INPP4B: variants seen among roughly 807,000 people sequenced by gnomAD.
The protein encoded by INPP4B is inositol polyphosphate-4-phosphatase type II B.
INPP4B carries 55 observed loss-of-function variants against 122.5 expected under a neutral mutation model. The observed-to-expected ratio is 0.45, with a 90% CI of 0.36 to 0.56. The LOEUF is 0.56. Among genes scored for constraint, INPP4B ranks in the 20% least tolerant of loss-of-function variants. INPP4B has a pLI of 0.00. For missense variants in INPP4B, 1,000 were observed against 1,097.7 expected (o/e 0.91, Z 1.26); for synonymous variants, 403 against 388.7 (o/e 1.04, Z -0.43).
intron 14 of INPP4B, among the ~76,000 whole-genome samples, chr4:142,194,207 C>A (rs1041349853): frequency 1.3e-5 from 2 of 152,000 alleles, no homozygotes; most frequent in Non-Finnish European, 2.9e-5. Context: ...TCAGAAAATG[C>A]AAGATCACAA....
At chr4:142,242,211 G>T (rs531029498) in intron 11 of INPP4B, among the ~76,000 whole-genome samples, 1 of 151,990 alleles carries the variant, frequency 6.6e-6, no homozygotes, top group Non-Finnish European at 1.5e-5. Context: ...TTTAAAGATC[G>T]GATGAGCACT....
At chr4:142,466,586 GA>G (rs1257783178) in intron 2 of INPP4B, among the ~76,000 whole-genome samples, 2 of 152,210 alleles carry the variant, frequency 1.3e-5, no homozygotes, top group African/African-American at 2.4e-5. Context: ...CAGAGGGGAA[GA>G]AAAAGCATTT....
intron 2 of INPP4B, among the ~76,000 whole-genome samples, chr4:142,523,957 T>G (rs1826465974): frequency 6.7e-6 from 1 of 148,450 alleles, no homozygotes; most frequent in Non-Finnish European, 1.5e-5. Flanking sequence ...GATTTCCAAT[T>G]TCATCCATGT....
At chr4:142,129,943 T>C (rs989315439) in intron 18 of INPP4B, among the ~76,000 whole-genome samples, 6 of 152,176 alleles carry the variant, frequency 3.9e-5, no homozygotes, top group Non-Finnish European at 8.8e-5. Context: ...TTTTAACTCA[T>C]GCCCCCTCCT....
chr4:142,514,707 C>T (rs1183607761), intron 2 of INPP4B: 2 of 151,502 alleles, frequency 1.3e-5, no homozygotes, highest in Non-Finnish European at 1.5e-5. Flanking sequence ...AGCTTAGAGC[C>T]TGACAAAAAC....
rs1580327431 is a variant in INPP4B at position 142,542,216 on chromosome 4, G to A, written c.-190-79490C>T. Among the ~76,000 whole-genome samples the A allele has an allele frequency of 3.9e-5, 6 of 152,156 alleles. No individual in the cohort carries two copies. The South Asian group carries it at 1.2e-3, about 32-fold the overall frequency. ...TCCTTACATCTATTATTGGATAATA[G>A]TGGTTGATACTTACAAATATTATTC... On this transcript the variant is annotated intron_variant, in intron 2 of 25. Coordinates refer to ENST00000262992, the MANE Select transcript of INPP4B (RefSeq NM_001101669.3).
chr4:142,355,782 A>C (rs1157261066), intron 7 of INPP4B, among the ~76,000 whole-genome samples: 2 of 151,990 alleles, frequency 1.3e-5, no homozygotes, highest in Non-Finnish European at 2.9e-5. Context: ...TTGTGAAGCA[A>C]TTCAGCTTAT....
intron 2 of INPP4B, among the ~76,000 whole-genome samples, chr4:142,677,095 T>C (rs1240424994): frequency 6.6e-6 from 1 of 152,234 alleles, no homozygotes; most frequent in Non-Finnish European, 1.5e-5. Flanking sequence ...TCTATCCATC[T>C]GACAAACAGC....
At chr4:142,565,421 C>A (rs1279862297) in intron 2 of INPP4B, among the ~76,000 whole-genome samples, 3 of 152,048 alleles carry the variant, frequency 2.0e-5, no homozygotes, top group Admixed American at 2.0e-4. Flanking sequence ...GGGATTATAA[C>A]CTGTGGAATA....
intron 7 of INPP4B, among the ~76,000 whole-genome samples, chr4:142,358,008 T>C (rs1353172871): frequency 1.3e-5 from 2 of 152,086 alleles, no homozygotes; most frequent in African/African-American, 4.8e-5. Flanking sequence ...AATGTGAATA[T>C]GGTAAAATGT....
At chr4:142,474,379 G>A (rs1220546198) in intron 2 of INPP4B, 1 of 152,142 alleles carries the variant, frequency 6.6e-6, no homozygotes, top group Non-Finnish European at 1.5e-5. Flanking sequence ...GCCTGTTAGA[G>A]CTTCCAGCCC....
intron 7 of INPP4B, among the ~76,000 whole-genome samples, chr4:142,324,725 T>C (rs1330998708): frequency 6.6e-6 from 1 of 152,164 alleles, no homozygotes; most frequent in Non-Finnish European, 1.5e-5. Flanking sequence ...TTGCCTGTTG[T>C]CAGTTTCTCT....
In INPP4B at chr4:142,759,592, C is replaced by T. The variant is rs78575771; in HGVS notation, c.-253-33691G>A. ...TGTGTGTGTATGTGTTGCCTAATAA[C>T]AATTTTTGTATGTGTCTCATTTCTG... On this transcript the variant is annotated intron_variant, in intron 1 of 25. Coordinates refer to ENST00000262992, the MANE Select transcript of INPP4B (RefSeq NM_001101669.3). 2.3e-3 allele frequency among the ~76,000 whole-genome samples: 348 copies of T among 152,078 alleles called. 1 individual carries two copies. The highest frequency in any genetic ancestry group is 8.0e-3 in the African/African-American group (330 of 41,508).
chr4:142,643,864 GAA>G (rs571778158), intron 2 of INPP4B, among the ~76,000 whole-genome samples: 5 of 152,124 alleles, frequency 3.3e-5, no homozygotes, highest in African/African-American at 4.8e-5. Context: ...GCATGATCAA[GAA>G]AACTGAAACA....
chr4:142,312,265 C>T (rs949946514), intron 8 of INPP4B, among the ~76,000 whole-genome samples: 3 of 152,134 alleles, frequency 2.0e-5, no homozygotes, highest in African/African-American at 7.2e-5. Context: ...TATAAGTAGC[C>T]ACAATATATC....
At chr4:142,835,957 T>C (rs1180180227) in intron 1 of INPP4B, among the ~76,000 whole-genome samples, 1 of 152,040 alleles carries the variant, frequency 6.6e-6, no homozygotes, top group Non-Finnish European at 1.5e-5. Flanking sequence ...CTATGGGGCA[T>C]AGGGTATGGT....
chr4:142,739,318 T>C (rs1256052690), intron 1 of INPP4B, among the ~76,000 whole-genome samples: 2 of 152,042 alleles, frequency 1.3e-5, no homozygotes, highest in Non-Finnish European at 1.5e-5. Context: ...TATTCCATTA[T>C]ATGAGCTAAG....
chr4:142,448,329 C>CA (rs71586289), intron 3 of INPP4B, among the ~76,000 whole-genome samples: 17,532 of 60,312 alleles, frequency 0.29, 1,179 homozygotes, highest in Non-Finnish European at 0.34. Flanking sequence ...TATCCATCTC[C>CA]AAAAAAAAAA....
chr4:142,231,053 C>T (rs1854116640), intron 12 of INPP4B, among the ~76,000 whole-genome samples: 2 of 152,136 alleles, frequency 1.3e-5, no homozygotes, highest in Admixed American at 6.5e-5. Context: ...GAAGGGAGCC[C>T]CCAAAGGATT....
Sources: gnomAD v4.1 joint callset for allele counts (sites outside exome capture counted in the v4.1 genomes callset) on GRCh38, gnomAD v4.1.1 for gene constraint, MANE v1.5 for transcripts, NCBI Gene and HGNC (gene_info 2026-07-23, HGNC 2026-07-21) for gene names.